Variants in CARD19 observed in about 807,000 individuals in gnomAD.
CARD19 encodes caspase recruitment domain-containing protein 19.
In CARD19, 25 loss-of-function variants were observed where a neutral mutation model predicts 24.1. The observed-to-expected ratio is 1.04, with a 90% confidence interval of 0.76 to 1.45. The LOEUF (loss-of-function observed/expected upper bound fraction) is 1.45, where lower values mean the gene tolerates loss of function less well. CARD19 is among the 40% of genes most tolerant of loss of function. CARD19 has a pLI of 0.00. For synonymous variants in CARD19, 103 were observed against 104.9 expected (o/e 0.98, Z 0.11); for missense variants, 241 against 247.4 (o/e 0.97, Z 0.17).
intron 1 of CARD19, 135 bp from the exon 2 acceptor site, chr9:93,107,539 G>A (rs1827308074): frequency 4.1e-6 from 4 of 980,138 alleles, no homozygotes; most frequent in Non-Finnish European, 6.1e-6. Context: ...GGATGGCTGT[G>A]ATTCTGCAGG....
At chr9:93,105,892 T>G (rs1827235405) in intron 1 of CARD19, among the ~76,000 whole-genome samples, 1 of 152,196 alleles carries the variant, frequency 6.6e-6, no homozygotes, top group Non-Finnish European at 1.5e-5. Context: ...GTTCTGTCTC[T>G]TACTGAAAGT....
At chr9:93,111,333 C>CA in intron 3 of CARD19, 2 of 1,123,332 alleles carry the variant, frequency 1.8e-6, no homozygotes, top group Non-Finnish European at 2.2e-6. Context: ...GGGGGCATAT[C>CA]AAGTTGAAGA....
chr9:93,101,456 T>A (rs1827079523), intron 1 of CARD19, among the ~76,000 whole-genome samples: 2 of 150,860 alleles, frequency 1.3e-5, no homozygotes, highest in Admixed American at 6.6e-5. Context: ...TTTTTTTTTT[T>A]TTTGAGACGG....
rs1827000320 is a variant in CARD19 at position 93,099,494 on chromosome 9, C to G, written c.7+3142C>G. On this transcript the variant is annotated intron_variant, in intron 1 of 5. Coordinates refer to ENST00000375464, the MANE Select transcript of CARD19 (RefSeq NM_032310.5). ...ATCTTCTCACTGTGCCTTAGTTTCC[C>G]TACCTGAAAATGGGGCTGGTGGTTG... Among the ~76,000 whole-genome samples the G allele has an allele frequency of 2.0e-5, 3 of 152,206 alleles. No individual in the cohort carries two copies. The South Asian group carries it at 6.2e-4, about 31-fold the overall frequency.
At chr9:93,105,185 CGTGT>C (rs1564208364) in intron 1 of CARD19, among the ~76,000 whole-genome samples, 2 of 82,220 alleles carry the variant, frequency 2.4e-5, no homozygotes, top group Non-Finnish European at 4.9e-5. Context: ...TGTGCACGCG[CGTGT>C]GTGTGTGCGT....
chr9:93,110,890 AG>A (rs1410702527), intron 3 of CARD19, 169 bp downstream of exon 3: 1 of 1,533,268 alleles, frequency 6.5e-7, no homozygotes, highest in Admixed American at 2.0e-5. Flanking sequence ...TCTGGCCCCG[AG>A]GGGAGAGTGT....
Position 93,096,923 on chromosome 9 carries a change from T to C in CARD19, c.7+571T>C, listed in dbSNP as rs1444010764. ...GGTCCACGACGCTCTTGCCCCTGTT[T>C]AGTTCTAAGAGAATCGGGGACAGCG... is the stretch of plus-strand genomic sequence containing the variant. On this transcript the variant is annotated intron_variant, in intron 1 of 5. Transcript: ENST00000375464. This position sits in a 1 kb window ranked among gnomAD's most constrained non-coding sequence, Gnocchi z 5.4. Among the ~76,000 whole-genome samples the C allele has an allele frequency of 6.6e-6, 1 of 152,168 alleles. No individual in the cohort carries two copies.
chr9:93,111,521 G>T (rs1407265393), intron 3 of CARD19: 3 of 1,158,092 alleles, frequency 2.6e-6, no homozygotes, highest in Non-Finnish European at 3.2e-6. Context: ...CAGTGCAGAC[G>T]GTGGGCGGGG....
In CARD19 at chr9:93,096,294, C is replaced by G. The variant is rs1303388571; in HGVS notation, c.-52C>G. The G allele has an allele frequency of 8.8e-7, 1 of 1,130,792 alleles. No individual in the cohort carries two copies. The highest frequency in any genetic ancestry group is 1.6e-5 in the African/African-American group (1 of 63,272). 70.0% of individuals were successfully genotyped at this position (1,130,792 alleles called of 1,614,324 possible). On this transcript the variant is annotated 5_prime_UTR_variant, in exon 1 of 6. Coordinates refer to ENST00000375464, the MANE Select transcript of CARD19 (RefSeq NM_032310.5). The surrounding 1 kb of genome is among the most constrained non-coding windows in gnomAD (Gnocchi z 5.4). ...ACCGGGCGGCTGACCGAGGGGCGGA[C>G]GCGCGGCGGGGCAGACCGCTGGGGA...
intron 2 of CARD19, 78 bp from the exon 3 acceptor site, chr9:93,110,490 C>T (rs1458355351): frequency 2.6e-6 from 4 of 1,515,316 alleles, no homozygotes; most frequent in Middle Eastern, 1.8e-4. Context: ...AGGCTGGGGG[C>T]CTGACCTTGG....
At position 93,096,432 on chromosome 9, in the gene CARD19, G is replaced by A; in HGVS notation, c.7+80G>A. 1.7e-6 allele frequency: 2 copies of A among 1,193,152 alleles called. No homozygotes were observed. The highest frequency in any genetic ancestry group is 2.1e-6 in the Non-Finnish European group (2 of 955,018). 73.9% of individuals were successfully genotyped at this position (1,193,152 alleles called of 1,614,324 possible). A position where few individuals can be genotyped will look rare whatever the true frequency, so the allele number is the denominator to read the frequency against. On this transcript the variant is annotated intron_variant, in intron 1 of 5. Transcript: ENST00000375464. This position sits in a 1 kb window ranked among gnomAD's most constrained non-coding sequence, Gnocchi z 5.4. ...CGGCCCGGGGGTCCGGCTGCCTTGC[G>A]AGTCGCCTGCAGGCCGCGCCTGGGC...
intron 1 of CARD19, among the ~76,000 whole-genome samples, chr9:93,100,396 C>T (rs980163759): frequency 3.9e-5 from 6 of 152,146 alleles, no homozygotes; most frequent in East Asian, 1.9e-4. Context: ...CTGCAACCTC[C>T]GCCTCCCAGG....
At chr9:93,106,128 A>G (rs562128914) in intron 1 of CARD19, among the ~76,000 whole-genome samples, 19 of 152,082 alleles carry the variant, frequency 1.2e-4, no homozygotes, top group African/African-American at 4.6e-4. Context: ...TAGTATAGTT[A>G]CCTCATCTCT....
In CARD19 at chr9:93,096,500, C is replaced by T. The variant is rs749597098; in HGVS notation, c.7+148C>T. ...CTTGGCCCGTCAGCTGTCGGTGGTG[C>T]GCGAGTGCACCCCCGCGAAGTGGTG... On this transcript the variant is annotated intron_variant, in intron 1 of 5. Transcript: ENST00000375464. The surrounding 1 kb of genome is among the most constrained non-coding windows in gnomAD (Gnocchi z 5.4). 49 of 735,638 alleles carry T rather than the reference C, an allele frequency of 6.7e-5. No individual in the cohort carries two copies. Among genetic ancestry groups the T allele is most frequent in the Non-Finnish European group, 8.1e-5 (44 of 540,542 alleles). The allele number at this position is 735,638 out of a possible 1,614,324, so 45.6% of individuals were successfully genotyped here.
rs888174263 is a variant in CARD19 at position 93,096,956 on chromosome 9, C to T, written c.7+604C>T. ...AGAGAATCGGGGACAGCGACTGGAC[C>T]CCCCAAGGTTGTTGTGCTCCACGCT... On this transcript the variant is annotated intron_variant, in intron 1 of 5. Transcript: ENST00000375464. The surrounding 1 kb of genome is among the most constrained non-coding windows in gnomAD (Gnocchi z 5.4). Among the ~76,000 whole-genome samples the T allele has an allele frequency of 1.9e-4, 29 of 152,156 alleles. No homozygotes were observed. Among genetic ancestry groups the T allele is most frequent in the Non-Finnish European group, 4.3e-4 (29 of 68,010 alleles).
intron 2 of CARD19, among the ~76,000 whole-genome samples, chr9:93,109,712 C>T (rs1827389183): frequency 1.3e-5 from 2 of 152,118 alleles, no homozygotes; most frequent in Non-Finnish European, 2.9e-5. Flanking sequence ...ACTCCTGATC[C>T]GCCTGCCTCA....
chr9:93,113,137 A>C lies in CARD19; in HGVS notation c.*30A>C. On this transcript the variant is annotated 3_prime_UTR_variant, in exon 6 of 6. Transcript: ENST00000375464. ...CCCTGGACCCAGGGCCTCACCTGCC[A>C]CTCAACCAAAGAGTCCTCGAGCCGG... 1 of 1,462,878 alleles carries C rather than the reference A, an allele frequency of 6.8e-7. No individual in the cohort carries two copies. The highest frequency in any genetic ancestry group is 2.1e-5 in the Admixed American group (1 of 47,460). 90.6% of individuals were successfully genotyped at this position (1,462,878 alleles called of 1,614,324 possible).
rs528762205 is a variant in CARD19, at chr9:93,096,909, C to G, written c.7+557C>G. On this transcript the variant is annotated intron_variant, in intron 1 of 5. Transcript: ENST00000375464. This position sits in a 1 kb window ranked among gnomAD's most constrained non-coding sequence, Gnocchi z 5.4. ...CAGACTCCTTCGGTGGTCCACGACG[C>G]TCTTGCCCCTGTTTAGTTCTAAGAG... Among the ~76,000 whole-genome samples, 1 of 152,328 alleles carries G rather than the reference C, an allele frequency of 6.6e-6. No individual in the cohort carries two copies. Among genetic ancestry groups the G allele is most frequent in the East Asian group, 1.9e-4 (1 of 5,178 alleles).
intron 1 of CARD19, among the ~76,000 whole-genome samples, chr9:93,100,140 T>C (rs1026615907): frequency 6.6e-6 from 1 of 152,176 alleles, no homozygotes; most frequent in Admixed American, 6.5e-5. Flanking sequence ...CCACGGAGCA[T>C]GGCTGCTTTT....
Sources: allele counts gnomAD v4.1 joint callset (sites outside exome capture counted in the v4.1 genomes callset), GRCh38; gene constraint gnomAD v4.1.1; non-coding constraint Gnocchi (gnomAD v3.1); transcripts MANE v1.5; gene names NCBI Gene and HGNC (gene_info 2026-07-23, HGNC 2026-07-21).